Variants in HTR2C observed in about 807,000 individuals in gnomAD.
HTR2C encodes 5-hydroxytryptamine receptor 2C.
A neutral mutation model predicts 21.0 loss-of-function variants in HTR2C; 5 were observed. The observed-to-expected ratio is 0.24, with a 90% CI of 0.12 to 0.50. The LOEUF (loss-of-function observed/expected upper bound fraction) is 0.50. Among genes scored for constraint, HTR2C ranks in the 20% least tolerant of loss-of-function variants. The pLI is 0.98. For synonymous variants in HTR2C, 150 were observed against 145.3 expected (o/e 1.03, Z -0.23); for missense variants, 271 against 371.2 (o/e 0.73, Z 2.22).
chrX:114,880,854 T>G (rs1302493214), intron 5 of HTR2C, among the ~76,000 whole-genome samples: 2 of 111,584 alleles, frequency 1.8e-5, no homozygotes, highest in Non-Finnish European at 3.8e-5. Context: ...AGCCAATACT[T>G]TTTATCACAA....
chrX:114,844,546 T>A (rs1556466706), intron 4 of HTR2C, among the ~76,000 whole-genome samples: 1 of 112,002 alleles, frequency 8.9e-6, no homozygotes. Flanking sequence ...AGAATTAAAT[T>A]TTCCAGTTAA....
intron 5 of HTR2C, among the ~76,000 whole-genome samples, chrX:114,855,389 A>G (rs1487111255): frequency 9.0e-6 from 1 of 111,323 alleles, no homozygotes; most frequent in East Asian, 2.8e-4. Flanking sequence ...ATGTTGGTAT[A>G]TTTCACTATA....
chrX:114,698,575 A>G (rs1932359930), intron 2 of HTR2C, among the ~76,000 whole-genome samples: 1 of 111,932 alleles, frequency 8.9e-6, no homozygotes, highest in Non-Finnish European at 1.9e-5. Flanking sequence ...TTAAAGGAAA[A>G]TATTAATTTA....
chrX:114,820,061 G>C (rs1316656658), intron 4 of HTR2C, among the ~76,000 whole-genome samples: 1 of 110,493 alleles, frequency 9.1e-6, no homozygotes, highest in Non-Finnish European at 1.9e-5. Context: ...AACAAGGTGT[G>C]TCTGACCTTC....
chrX:114,818,664 A>G (rs2070605951), intron 4 of HTR2C, among the ~76,000 whole-genome samples: 1 of 111,382 alleles, frequency 9.0e-6, no homozygotes, highest in South Asian at 3.8e-4. Context: ...ACCACAGCCC[A>G]TGGGCCAAAT....
chrX:114,824,870 A>G (rs1485557526), intron 4 of HTR2C, among the ~76,000 whole-genome samples: 1 of 111,772 alleles, frequency 8.9e-6, no homozygotes, highest in African/African-American at 3.2e-5. Context: ...CAAAAAACGT[A>G]TGGTTTCATA....
chrX:114,742,758 TA>T (rs2069663242), intron 4 of HTR2C, among the ~76,000 whole-genome samples: 1 of 80,469 alleles, frequency 1.2e-5, no homozygotes, highest in Non-Finnish European at 2.5e-5. Flanking sequence ...CTCTAAGTTT[TA>T]GGGTACATGT....
At chrX:114,680,428 A>G (rs1218071181) in intron 2 of HTR2C, among the ~76,000 whole-genome samples, 1 of 112,235 alleles carries the variant, frequency 8.9e-6, no homozygotes, top group South Asian at 3.6e-4. Context: ...GACTTAAGAA[A>G]ATGAAGACCC....
intron 4 of HTR2C, among the ~76,000 whole-genome samples, chrX:114,791,728 T>G (rs2070234619): frequency 9.0e-6 from 1 of 110,747 alleles, no homozygotes; most frequent in African/African-American, 3.3e-5. Flanking sequence ...TTAAAGGAAA[T>G]TGAAATCTTG....
chrX:114,656,141 C>T (rs1419068834), intron 2 of HTR2C, among the ~76,000 whole-genome samples: 1 of 110,808 alleles, frequency 9.0e-6, no homozygotes, highest in East Asian at 2.8e-4. Flanking sequence ...ATTACCTTTT[C>T]TGAACTTCTT....
At chrX:114,720,163 G>A (rs1363564600) in intron 2 of HTR2C, among the ~76,000 whole-genome samples, 2 of 110,875 alleles carry the variant, frequency 1.8e-5, no homozygotes, top group African/African-American at 6.6e-5. Context: ...GACAGTATTG[G>A]CCTGACTAAT....
At chrX:114,853,022 G>T (rs2070932165) in intron 5 of HTR2C, among the ~76,000 whole-genome samples, 1 of 111,326 alleles carries the variant, frequency 9.0e-6, no homozygotes, top group Non-Finnish European at 1.9e-5. Context: ...ATGCAAGAAA[G>T]CCTCTGTTTC....
intron 2 of HTR2C, among the ~76,000 whole-genome samples, chrX:114,626,626 C>T (rs181359078): frequency 8.9e-6 from 1 of 111,867 alleles, no homozygotes; most frequent in South Asian, 3.7e-4. Flanking sequence ...TCTAGACAAC[C>T]TTTTAGGAAA....
chrX:114,738,449 C>T (rs2069611964), intron 4 of HTR2C, among the ~76,000 whole-genome samples: 1 of 111,313 alleles, frequency 9.0e-6, no homozygotes, highest in Non-Finnish European at 1.9e-5. Context: ...GAATCCAACT[C>T]CACATTAAAA....
At chrX:114,838,115 T>C (rs1262905556) in intron 4 of HTR2C, among the ~76,000 whole-genome samples, 5 of 111,700 alleles carry the variant, frequency 4.5e-5, no homozygotes, top group Non-Finnish European at 7.5e-5. Context: ...ACTCTTGTTT[T>C]TTCTGATGTG....
At position 114,655,693 on chromosome X, in the gene HTR2C, T is replaced by C. The variant is rs1214784999; in HGVS notation, c.-80+41812T>C. On this transcript the variant is annotated intron_variant, in intron 2 of 5. Coordinates refer to ENST00000276198, the MANE Select transcript of HTR2C (RefSeq NM_000868.4). ...TCTATATCTGCCTTTTAGGGGCTGG[T>C]GGGGCTACACACTGTAGAATTCTTT... Among the ~76,000 whole-genome samples the C allele has an allele frequency of 4.5e-5, 5 of 111,421 alleles. No individual in the cohort carries two copies. The South Asian group carries it at 1.8e-3, about 41-fold the overall frequency.
Position 114,584,340 on chromosome X carries a change from GAAGA to G in HTR2C, c.-460_-457del. The G allele has an allele frequency of 8.8e-6, 1 of 113,266 alleles. No homozygotes were observed. Among genetic ancestry groups the G allele is most frequent in the Non-Finnish European group, 1.9e-5 (1 of 53,390 alleles). 9.3% of individuals were successfully genotyped at this position (113,266 alleles called of 1,213,427 possible). On this transcript the variant is annotated 5_prime_UTR_variant, in exon 1 of 6. Coordinates refer to ENST00000276198, the MANE Select transcript of HTR2C (RefSeq NM_000868.4). ...GTGTAGTTAGTTAGGGGCCAACGAA[GAAGA>G]AAGAAGACGCGATTAGTGCAGAGAT...
rs782666036 is a variant in HTR2C, at chrX:114,751,083, T to G, written c.349+19476T>G. ...GCTTAGCAGTTGTTATCATTGTATTTTATTTTATTTTTATTTTTGTGGAGA... is the reference window on the plus strand; with the variant it reads ...GCTTAGCAGTTGTTATCATTGTATTGTATTTTATTTTTATTTTTGTGGAGA... On this transcript the variant is annotated intron_variant, in intron 4 of 5. Transcript: ENST00000276198. Among the ~76,000 whole-genome samples the G allele has an allele frequency of 1.5e-4, 17 of 112,107 alleles. No individual in the cohort carries two copies. In the South Asian group the frequency reaches 6.3e-3, roughly 41 times the overall value.
Position 114,661,784 on chromosome X carries a change from C to T in HTR2C, c.-80+47903C>T, listed in dbSNP as rs183539500. 2.8e-4 allele frequency among the ~76,000 whole-genome samples: 31 copies of T among 111,948 alleles called. No individual in the cohort carries two copies. In the East Asian group the frequency reaches 8.8e-3, roughly 32 times the overall value. ...TCAGGGACCACTACTGTGTAATACC[C>T]AACTGTGGTTTTGTTCTTGACTTTC... On this transcript the variant is annotated intron_variant, in intron 2 of 5. Coordinates refer to ENST00000276198, the MANE Select transcript of HTR2C (RefSeq NM_000868.4).
Sources: allele counts gnomAD v4.1 joint callset (sites outside exome capture counted in the v4.1 genomes callset), GRCh38; gene constraint gnomAD v4.1.1; transcripts MANE v1.5; gene names NCBI Gene and HGNC (gene_info 2026-07-23, HGNC 2026-07-21).